PTPRD: variants seen among roughly 807,000 people sequenced by gnomAD.
PTPRD encodes the protein protein tyrosine phosphatase receptor type D.
PTPRD carries 34 observed loss-of-function variants against 214.5 expected under a neutral mutation model. The observed-to-expected ratio is 0.16, with a 90% confidence interval of 0.12 to 0.21. The LOEUF is 0.21. Ranked by LOEUF, PTPRD falls within the 10% of genes least tolerant of loss-of-function variation. The pLI is 1.00. For synonymous variants in PTPRD, 1,128 were observed against 845.7 expected, an observed-to-expected ratio of 1.33 and a Z score of -5.79; for missense variants, 2,545 against 2,398.7, an observed-to-expected ratio of 1.06 and a Z score of -1.27.
At chr9:9,204,132 A>C (rs959399684) in intron 9 of PTPRD, among the ~76,000 whole-genome samples, 1 of 152,192 alleles carries the variant, frequency 6.6e-6, no homozygotes, top group African/African-American at 2.4e-5. Flanking sequence ...TGAATTCATC[A>C]TGTGAATTCA....
intron 3 of PTPRD, among the ~76,000 whole-genome samples, chr9:10,045,327 C>G (rs2097368804): frequency 6.6e-6 from 1 of 151,606 alleles, no homozygotes; most frequent in South Asian, 2.1e-4. Flanking sequence ...CATATTAGAA[C>G]AGTGACATAG....
At chr9:8,502,060 TATTAGA>T (rs1275451226) in intron 23 of PTPRD, among the ~76,000 whole-genome samples, 1 of 152,202 alleles carries the variant, frequency 6.6e-6, no homozygotes, top group Non-Finnish European at 1.5e-5. Flanking sequence ...GTAGGGTTTA[TATTAGA>T]ATTAGAAGAC....
At chr9:9,167,580 C>G (rs950584388) in intron 10 of PTPRD, among the ~76,000 whole-genome samples, 1 of 151,864 alleles carries the variant, frequency 6.6e-6, no homozygotes, top group Admixed American at 6.6e-5. Flanking sequence ...CATGGAGAAA[C>G]TCTGTCCCTA....
chr9:9,310,942 T>C (rs556832800), intron 9 of PTPRD, among the ~76,000 whole-genome samples: 2 of 150,842 alleles, frequency 1.3e-5, no homozygotes, highest in South Asian at 2.1e-4. Flanking sequence ...AATAAATAAA[T>C]AAATAAATAA....
intron 10 of PTPRD, among the ~76,000 whole-genome samples, chr9:9,022,243 C>T (rs1028973612): frequency 1.4e-4 from 21 of 151,966 alleles, no homozygotes; most frequent in African/African-American, 5.1e-4. Context: ...TTTACCGTAG[C>T]CTACGTGTGC....
intron 3 of PTPRD, among the ~76,000 whole-genome samples, chr9:10,208,451 T>C (rs1298528355): frequency 1.3e-5 from 2 of 152,138 alleles, no homozygotes; most frequent in Non-Finnish European, 2.9e-5. Flanking sequence ...GAGGCGGAGC[T>C]TGCAGTGAAC....
intron 2 of PTPRD, among the ~76,000 whole-genome samples, chr9:10,509,908 T>C (rs2047430645): frequency 6.6e-6 from 1 of 152,020 alleles, no homozygotes; most frequent in African/African-American, 2.4e-5. Context: ...TATAATTCCA[T>C]TTCAGTACCT....
At chr9:9,742,848 T>A (rs540529158) in intron 6 of PTPRD, among the ~76,000 whole-genome samples, 31 of 152,300 alleles carry the variant, frequency 2.0e-4, no homozygotes, top group African/African-American at 7.0e-4. Context: ...CAACTACTAT[T>A]GCTAAAATCT....
chr9:8,336,105 C>A (rs577463219), intron 43 of PTPRD, among the ~76,000 whole-genome samples: 3 of 150,324 alleles, frequency 2.0e-5, no homozygotes, highest in African/African-American at 7.5e-5. Flanking sequence ...TGGGAAAAAA[C>A]TACTTTAAAT....
At chr9:8,388,408 A>T (rs955761703) in intron 37 of PTPRD, among the ~76,000 whole-genome samples, 4 of 152,182 alleles carry the variant, frequency 2.6e-5, no homozygotes, top group African/African-American at 9.7e-5. Context: ...CTATTCTTCA[A>T]TGAAAGTATC....
intron 2 of PTPRD, among the ~76,000 whole-genome samples, chr9:10,607,059 A>C (rs1277128793): frequency 6.6e-6 from 1 of 151,936 alleles, no homozygotes; most frequent in Non-Finnish European, 1.5e-5. Flanking sequence ...AGTAGAAAAG[A>C]CACACATTTA....
chr9:8,655,879 C>T (rs1046919572), intron 12 of PTPRD, among the ~76,000 whole-genome samples: 16 of 151,996 alleles, frequency 1.1e-4, no homozygotes, highest in African/African-American at 2.7e-4. Context: ...ATCCAAGAAA[C>T]GTGCAGTTGC....
chr9:8,331,419 ATTTTCACTTT>A (rs1231910421), intron 44 of PTPRD, among the ~76,000 whole-genome samples, 153 bp downstream of exon 44: 3 of 105,354 alleles, frequency 2.8e-5, no homozygotes, highest in South Asian at 3.1e-4. Context: ...ATTTTCACTT[ATTTTCACTTT>A]ATGAAAAGAA....
At chr9:10,282,278 C>T (rs748870882) in intron 3 of PTPRD, among the ~76,000 whole-genome samples, 1 of 152,124 alleles carries the variant, frequency 6.6e-6, no homozygotes, top group Admixed American at 6.5e-5. Context: ...AGCACAGTGT[C>T]TGACTCATAA....
intron 9 of PTPRD, among the ~76,000 whole-genome samples, chr9:9,390,446 G>C (rs2065408789): frequency 1.3e-5 from 2 of 152,170 alleles, no homozygotes; most frequent in Admixed American, 6.5e-5. Flanking sequence ...GTCAATGGTA[G>C]ATTCTGTCTT....
At chr9:8,957,232 A>G (rs556308167) in intron 11 of PTPRD, among the ~76,000 whole-genome samples, 26 of 151,948 alleles carry the variant, frequency 1.7e-4, no homozygotes, top group Admixed American at 1.3e-4. Context: ...ATCTAAATAT[A>G]GTCCCCAAAT....
At chr9:8,974,863 G>T (rs1232768063) in intron 11 of PTPRD, among the ~76,000 whole-genome samples, 1 of 151,984 alleles carries the variant, frequency 6.6e-6, no homozygotes. Flanking sequence ...TTGGGAGGCT[G>T]AGGCGGGTGG....
chr9:8,477,005 C>T (rs865836955), intron 30 of PTPRD, among the ~76,000 whole-genome samples: 3 of 151,764 alleles, frequency 2.0e-5, no homozygotes, highest in Admixed American at 1.3e-4. Context: ...TCTAATCTCA[C>T]AGGACATTAA....
At chr9:8,976,825 A>G (rs1160354626) in intron 11 of PTPRD, among the ~76,000 whole-genome samples, 2 of 152,106 alleles carry the variant, frequency 1.3e-5, no homozygotes, top group African/African-American at 4.8e-5. Context: ...TGGAGTGGTT[A>G]AAGCAGTACA....
Sources: allele counts gnomAD v4.1 joint callset (sites outside exome capture counted in the v4.1 genomes callset), GRCh38; gene constraint gnomAD v4.1.1; transcripts MANE v1.5; gene names NCBI Gene and HGNC (gene_info 2026-07-23, HGNC 2026-07-21).